LYPD6: variants seen among roughly 807,000 people sequenced by gnomAD.
The protein encoded by LYPD6 is LY6/PLAUR domain containing 6.
Under a neutral mutation model 22.7 loss-of-function variants are expected in LYPD6, and 15 were observed. The ratio of observed to expected loss-of-function variants is 0.66; its 90% CI spans 0.44 to 1.02. The LOEUF is 1.02. Ranked by LOEUF, LYPD6 falls within the 50% of genes least tolerant of loss-of-function variation. The pLI, the probability that LYPD6 is intolerant of heterozygous loss-of-function variation, is 0.00. For missense variants in LYPD6, 189 were observed against 208.4 expected, an observed-to-expected ratio of 0.91 and a Z score of 0.57; for synonymous variants, 72 against 77.5, an observed-to-expected ratio of 0.93 and a Z score of 0.37.
intron 1 of LYPD6, among the ~76,000 whole-genome samples, chr2:149,402,112 A>C (rs1476846814): frequency 1.3e-5 from 2 of 151,978 alleles, no homozygotes; most frequent in Non-Finnish European, 2.9e-5. Flanking sequence ...CACGTTCTGC[A>C]CGTGTATCCC....
Position 149,450,587 on chromosome 2 carries a change from C to T in LYPD6, c.217+1440C>T, listed in dbSNP as rs1175393812. 4.6e-5 allele frequency among the ~76,000 whole-genome samples: 7 copies of T among 152,326 alleles called. No individual in the cohort carries two copies. The East Asian group carries it at 1.3e-3, about 29-fold the overall frequency. On this transcript the variant is annotated intron_variant, in intron 3 of 4. Coordinates refer to ENST00000334166, the MANE Select transcript of LYPD6 (RefSeq NM_194317.5). Reference sequence around the variant, plus strand: ...CACTAAAGATTGGCTTAACTGAAAACTAGATATCCAGCCGTCTGAGTAATC... The same window carrying T: ...CACTAAAGATTGGCTTAACTGAAAATTAGATATCCAGCCGTCTGAGTAATC...
At chr2:149,385,976 A>G (rs1196686) in intron 1 of LYPD6, among the ~76,000 whole-genome samples, 28,809 of 152,026 alleles carry the variant, frequency 0.19, 2,728 homozygotes, top group East Asian at 0.21. Flanking sequence ...GGTTAAATAG[A>G]TACATCTTGG....
At chr2:149,366,713 G>C (rs752183393) in intron 1 of LYPD6, among the ~76,000 whole-genome samples, 1 of 152,028 alleles carries the variant, frequency 6.6e-6, no homozygotes, top group Non-Finnish European at 1.5e-5. Context: ...CATTTATCAG[G>C]GCTCATAGAG....
At chr2:149,371,502 G>C (rs1681808815) in intron 1 of LYPD6, among the ~76,000 whole-genome samples, 1 of 152,192 alleles carries the variant, frequency 6.6e-6, no homozygotes, top group Admixed American at 6.5e-5. Context: ...AAGAGGATGG[G>C]ATGATGGTGA....
intron 1 of LYPD6, among the ~76,000 whole-genome samples, chr2:149,384,700 G>A (rs1225661324): frequency 1.3e-5 from 2 of 151,974 alleles, no homozygotes; most frequent in Non-Finnish European, 2.9e-5. Flanking sequence ...CTCCTCTCCA[G>A]GCTCTGTTTT....
intron 1 of LYPD6, among the ~76,000 whole-genome samples, chr2:149,344,433 A>C (rs1351265223): frequency 6.6e-6 from 1 of 152,246 alleles, no homozygotes; most frequent in Non-Finnish European, 1.5e-5. Context: ...AAATATTGAA[A>C]CATTTATACT....
At chr2:149,358,714 ATAT>A (rs1326920698) in intron 1 of LYPD6, among the ~76,000 whole-genome samples, 1 of 152,092 alleles carries the variant, frequency 6.6e-6, no homozygotes, top group Non-Finnish European at 1.5e-5. Context: ...TTTATTCTAG[ATAT>A]TAGTAGTTTT....
chr2:149,348,220 C>T (rs1681295670), intron 1 of LYPD6, among the ~76,000 whole-genome samples: 1 of 152,086 alleles, frequency 6.6e-6, no homozygotes. Context: ...GGATAAAAGT[C>T]TCTAGGGATA....
In LYPD6 at chr2:149,472,815, T is replaced by C. The variant is rs981916733; in HGVS notation, c.*1965T>C. The C allele has an allele frequency of 1.3e-5, 2 of 152,542 alleles. No homozygotes were observed. The highest frequency in any genetic ancestry group is 4.8e-5 in the African/African-American group (2 of 41,414). The allele number at this position is 152,542 out of a possible 1,614,324, so 9.4% of individuals were successfully genotyped here. A position where few individuals can be genotyped will look rare whatever the true frequency, so the allele number is the denominator to read the frequency against. ...TGTTGTGAAGCTGTTTCCTTCAGAT[T>C]TAGGTTATGTGGGATGATGTGGGAT... On this transcript the variant is annotated 3_prime_UTR_variant, in exon 5 of 5. Transcript: ENST00000334166.
chr2:149,436,393 A>C (rs994946963), intron 1 of LYPD6, among the ~76,000 whole-genome samples: 2 of 152,220 alleles, frequency 1.3e-5, no homozygotes, highest in African/African-American at 4.8e-5. Flanking sequence ...TAGGAAACCA[A>C]GAAGATAGCA....
intron 1 of LYPD6, among the ~76,000 whole-genome samples, chr2:149,334,520 G>T (rs35859273): frequency 3.3e-5 from 5 of 152,206 alleles, no homozygotes; most frequent in African/African-American, 4.8e-5. Context: ...CTAATCAGCA[G>T]ACTAATTACA....
At chr2:149,436,274 A>G (rs996271414) in intron 1 of LYPD6, among the ~76,000 whole-genome samples, 1 of 152,216 alleles carries the variant, frequency 6.6e-6, no homozygotes, top group African/African-American at 2.4e-5. Context: ...AAATATCAAA[A>G]CTGTTTGTTT....
chr2:149,409,105 G>A (rs1391685591), intron 1 of LYPD6, among the ~76,000 whole-genome samples: 1 of 152,214 alleles, frequency 6.6e-6, no homozygotes, highest in Non-Finnish European at 1.5e-5. Context: ...GTGCTCCCTT[G>A]ATGTGGTGCT....
At chr2:149,343,999 A>G (rs1240720911) in intron 1 of LYPD6, among the ~76,000 whole-genome samples, 3 of 152,228 alleles carry the variant, frequency 2.0e-5, no homozygotes, top group Admixed American at 2.0e-4. Context: ...AAGGTGTGAT[A>G]TATAATATTC....
At chr2:149,463,837 G>A (rs1681139514) in intron 3 of LYPD6, among the ~76,000 whole-genome samples, 1 of 152,046 alleles carries the variant, frequency 6.6e-6, no homozygotes, top group Admixed American at 6.6e-5. Context: ...TAGAAATGCA[G>A]TACCATTTAG....
chr2:149,332,499 A>G (rs1680958122), intron 1 of LYPD6, among the ~76,000 whole-genome samples: 1 of 152,238 alleles, frequency 6.6e-6, no homozygotes, highest in African/African-American at 2.4e-5. Context: ...TATATGGCAT[A>G]TTGAAATCTA....
chr2:149,402,260 A>G (rs1211949042), intron 1 of LYPD6, among the ~76,000 whole-genome samples: 7 of 143,854 alleles, frequency 4.9e-5, no homozygotes, highest in East Asian at 3.9e-4. Context: ...GTGTGTGTGT[A>G]TTACATTTCC....
chr2:149,431,028 T>C (rs1036399144), intron 1 of LYPD6, among the ~76,000 whole-genome samples: 6 of 152,204 alleles, frequency 3.9e-5, no homozygotes, highest in South Asian at 2.1e-4. Flanking sequence ...TTTTTTTTTT[T>C]CTGTTTTGGA....
At chr2:149,447,820 A>T (rs1378574452) in intron 2 of LYPD6, among the ~76,000 whole-genome samples, 3 of 152,242 alleles carry the variant, frequency 2.0e-5, no homozygotes, top group African/African-American at 7.2e-5. Context: ...AGATAATTTT[A>T]AAGTCATATG....
Sources: gnomAD v4.1 joint callset for allele counts (sites outside exome capture counted in the v4.1 genomes callset) on GRCh38, gnomAD v4.1.1 for gene constraint, MANE v1.5 for transcripts, NCBI Gene and HGNC (gene_info 2026-07-23, HGNC 2026-07-21) for gene names.